VPS51: variants seen among roughly 807,000 people sequenced by gnomAD.
VPS51 encodes VPS51 subunit of GARP complex.
Under a neutral mutation model 65.1 loss-of-function variants are expected in VPS51, and 55 were observed. The observed-to-expected ratio is 0.84, with a 90% CI of 0.68 to 1.06. The LOEUF is 1.06. Among genes scored for constraint, VPS51 ranks in the 50% least tolerant of loss-of-function variants. The probability of loss-of-function intolerance (pLI) is 0.00; values close to 1 mark genes in which losing one functional copy is unlikely to be tolerated. For synonymous variants in VPS51, 473 were observed against 489.5 expected (o/e 0.97, Z 0.44); for missense variants, 943 against 1,101.6 (o/e 0.86, Z 2.04).
intron 2 of VPS51, among the ~76,000 whole-genome samples, chr11:65,100,537 T>G (rs990503908): frequency 4.9e-5 from 7 of 141,572 alleles, no homozygotes; most frequent in African/African-American, 8.0e-5. Flanking sequence ...TTTTTTTTTT[T>G]TTTTTTTTTT....
chr11:65,107,886 G>T lies in VPS51; in HGVS notation c.589G>T (p.Gly197Trp). 1 of 1,551,630 alleles carries T rather than the reference G, an allele frequency of 6.4e-7. No individual in the cohort carries two copies. The part of the protein sequence containing the change: ...LTKCVELGAY[G>W]QAVRYQGRAQ... ...CAAGTGCGTGGAACTGGGCGCCTATGGGCAGGCGGTGCGCTACCAGGGCCG... is the reference window on the plus strand; with the variant it reads ...CAAGTGCGTGGAACTGGGCGCCTATTGGCAGGCGGTGCGCTACCAGGGCCG... Residue 197 changes from glycine to tryptophan, a missense_variant, in exon 4 of 10, where the codon GGG (glycine) becomes TGG (tryptophan). Around this residue, in one of 2 missense-constraint regions of VPS51, gnomAD observed 855 missense variants for 953.7 expected, o/e 0.90. Transcript: ENST00000279281. The surrounding 1 kb of genome is among the most constrained non-coding windows in gnomAD (Gnocchi z 4.0).
At chr11:65,110,263 C>A in intron 7 of VPS51, 1 of 768,500 alleles carries the variant, frequency 1.3e-6, no homozygotes, top group Non-Finnish European at 2.1e-6. Flanking sequence ...GGTGCTGGTG[C>A]TGAAGATTAG....
At chr11:65,108,118 G>A in intron 4 of VPS51, 79 bp from the exon 5 acceptor site, 3 of 1,545,342 alleles carry the variant, frequency 1.9e-6, no homozygotes, top group Admixed American at 1.9e-5. Flanking sequence ...CCCCTGCCCT[G>A]TGTGTGCTTT....
Position 65,111,516 on chromosome 11 carries a change from G to T in VPS51, c.2278G>T (p.Ala760Ser). Reference protein sequence around the residue: ...HLLLDEVVASAALRCPDPVPM... With the variant: ...HLLLDEVVASSALRCPDPVPM... ...GCTGCTGGACGAAGTGGTGGCCTCTGCTGCCCTGCGCTGCCCAGACCCTGT... is the reference window on the plus strand; with the variant it reads ...GCTGCTGGACGAAGTGGTGGCCTCTTCTGCCCTGCGCTGCCCAGACCCTGT... The change falls in exon 10 of 10, where the codon GCT (alanine) becomes TCT (serine). Residue 760 changes from alanine (A) to serine (S), a missense_variant. By Grantham distance (99) the Ala-to-Ser change is moderately conservative. Around this residue, in one of 2 missense-constraint regions of VPS51, gnomAD observed 88 missense variants for 147.8 expected, o/e 0.60. Transcript: ENST00000279281. 6.2e-7 allele frequency: 1 copy of T among 1,613,250 alleles called. No individual in the cohort carries two copies. Among genetic ancestry groups the T allele is most frequent in the Non-Finnish European group, 8.5e-7 (1 of 1,180,030 alleles).
intron 9 of VPS51, 140 bp from the exon 10 acceptor site, chr11:65,111,187 C>A (rs1028974378): frequency 4.8e-6 from 6 of 1,256,610 alleles, no homozygotes; most frequent in Non-Finnish European, 6.7e-6. Context: ...TGTATCCCTC[C>A]CTTCTTATCT....
In VPS51 at chr11:65,107,402, C is replaced by T. The variant is rs914104204; in HGVS notation, c.359-179C>T. 2.8e-6 allele frequency: 2 copies of T among 712,828 alleles called. No homozygotes were observed. The highest frequency in any genetic ancestry group is 3.5e-5 in the African/African-American group (2 of 56,408). The allele number at this position is 712,828 out of a possible 1,614,324, so 44.2% of individuals were successfully genotyped here. A position where few individuals can be genotyped will look rare whatever the true frequency, so the allele number is the denominator to read the frequency against. On this transcript the variant is annotated intron_variant, in intron 2 of 9. Coordinates refer to ENST00000279281, the MANE Select transcript of VPS51 (RefSeq NM_013265.4). This position sits in a 1 kb window ranked among gnomAD's most constrained non-coding sequence, Gnocchi z 4.0. ...GTAACGCCTGCTTTGGGAACATAAA[C>T]CCCCTCCCCCGCCCCCATGTGCGCT...
intron 2 of VPS51, among the ~76,000 whole-genome samples, chr11:65,100,310 G>A (rs1330331475): frequency 6.6e-6 from 1 of 152,176 alleles, no homozygotes; most frequent in African/African-American, 2.4e-5. Flanking sequence ...ACAAGTGGCC[G>A]AAAAGCACAT....
At chr11:65,109,561 C>T in intron 6 of VPS51, 66 bp downstream of exon 6, 1 of 1,572,048 alleles carries the variant, frequency 6.4e-7, no homozygotes, top group Non-Finnish European at 8.6e-7. Flanking sequence ...CTGGACAGTG[C>T]CCTCATGGCC....
At chr11:65,104,027 C>G (rs1183442634) in intron 2 of VPS51, among the ~76,000 whole-genome samples, 2 of 151,868 alleles carry the variant, frequency 1.3e-5, no homozygotes, top group Non-Finnish European at 2.9e-5. Context: ...CTCCAGGGTT[C>G]AAGCGATTCT....
At chr11:65,099,738 A>G (rs1319558867) in intron 2 of VPS51, among the ~76,000 whole-genome samples, 1 of 152,174 alleles carries the variant, frequency 6.6e-6, no homozygotes, top group Non-Finnish European at 1.5e-5. Context: ...TGGAGATTGC[A>G]GTGAGCTATA....
chr11:65,096,761 T>C, intron 1 of VPS51: 1 of 685,824 alleles, frequency 1.5e-6, no homozygotes, highest in Non-Finnish European at 2.4e-6. Context: ...GGCGCGGGGC[T>C]GGGCTTAGGC....
At chr11:65,100,902 T>C (rs928679361) in intron 2 of VPS51, among the ~76,000 whole-genome samples, 4 of 152,038 alleles carry the variant, frequency 2.6e-5, no homozygotes, top group Non-Finnish European at 5.9e-5. Context: ...TGGCCATCAA[T>C]TGAATGAATA....
Position 65,107,875 on chromosome 11 carries a change from T to G in VPS51, c.578T>G (p.Leu193Arg), listed in dbSNP as rs752224750. 3.2e-6 allele frequency: 5 copies of G among 1,551,050 alleles called. No individual in the cohort carries two copies. Among genetic ancestry groups the G allele is most frequent in the Non-Finnish European group, 4.4e-6 (5 of 1,148,536 alleles). Residue 193 changes from leucine (L) to arginine (R), a missense_variant, in exon 4 of 10, where the codon CTG (leucine) becomes CGG (arginine). Coordinates refer to ENST00000279281, the MANE Select transcript of VPS51 (RefSeq NM_013265.4). This position sits in a 1 kb window ranked among gnomAD's most constrained non-coding sequence, Gnocchi z 4.0. ...LPSRLTKCVELGAYGQAVRYQ... is the reference protein window; with the variant it reads ...LPSRLTKCVERGAYGQAVRYQ... The stretch of plus-strand genomic sequence containing the variant: ...TCGCGCCTCACCAAGTGCGTGGAAC[T>G]GGGCGCCTATGGGCAGGCGGTGCGC...
rs760851629 is a variant in VPS51, at chr11:65,108,713, C to A, written c.1242C>A (p.Leu414=). 8.2e-5 allele frequency: 132 copies of A among 1,606,814 alleles called. No individual in the cohort carries two copies. The Admixed American group carries it at 8.4e-4, about 10-fold the overall frequency. Residue 414 remains leucine (L), a synonymous_variant, in exon 5 of 10, where the codon CTC becomes CTA. Transcript: ENST00000279281. ...GCCTGGGCCACCACCTGCAGGGTCT[C>A]CGGGCGGCCTTCCTGGGCTGCCTGA... ...RERLGHHLQG[L]RAAFLGCLTD... is the part of the protein sequence containing the mutation.
chr11:65,107,119 G>C lies in VPS51; in HGVS notation c.359-462G>C, dbSNP rs1565313453. 1 of 457,508 alleles carries C rather than the reference G, an allele frequency of 2.2e-6. No individual in the cohort carries two copies. Among genetic ancestry groups the C allele is most frequent in the South Asian group, 1.5e-5 (1 of 64,546 alleles). The allele number at this position is 457,508 out of a possible 1,614,324, so 28.3% of individuals were successfully genotyped here. On this transcript the variant is annotated intron_variant, in intron 2 of 9. Transcript: ENST00000279281. This position sits in a 1 kb window ranked among gnomAD's most constrained non-coding sequence, Gnocchi z 4.0. Reference sequence around the variant, plus strand: ...GAGAAGACAGCCCATGTTCCGGAAAGCATGTGAAAGGCTTTGGGAGGTCTG... The same window carrying C: ...GAGAAGACAGCCCATGTTCCGGAAACCATGTGAAAGGCTTTGGGAGGTCTG...
Position 65,111,606 on chromosome 11 carries a change from A to T in VPS51, c.*19A>T. ...CGGCTAGGCGCAGCCGCTGCCATGC[A>T]CCGGTCTGTCCCTGCACCCCATGGC... On this transcript the variant is annotated 3_prime_UTR_variant, in exon 10 of 10. Transcript: ENST00000279281. The T allele has an allele frequency of 6.3e-7, 1 of 1,592,452 alleles. No individual in the cohort carries two copies. Among genetic ancestry groups the T allele is most frequent in the Non-Finnish European group, 8.5e-7 (1 of 1,175,274 alleles).
In VPS51 at chr11:65,108,519, G is replaced by A. The variant is rs1323242383; in HGVS notation, c.1048G>A (p.Ala350Thr). The A allele has an allele frequency of 6.3e-7, 1 of 1,597,198 alleles. No homozygotes were observed. The change falls in exon 5 of 10, where the codon GCG (alanine) becomes ACG (threonine). Residue 350 changes from alanine (A) to threonine (T), a missense_variant. By Grantham distance (58) the Ala-to-Thr change is moderately conservative. This residue lies in a region of VPS51 where 855 missense variants were observed against 953.7 expected (regional missense o/e 0.90). Coordinates refer to ENST00000279281, the MANE Select transcript of VPS51 (RefSeq NM_013265.4). Reference protein sequence around the residue: ...FARQLGSRYFALVERRLAQEQ... With the variant: ...FARQLGSRYFTLVERRLAQEQ... Reference sequence around the variant, plus strand: ...CCGGCAGCTGGGCAGCCGCTATTTTGCGCTGGTGGAGCGGCGGCTGGCGCA... The same window carrying A: ...CCGGCAGCTGGGCAGCCGCTATTTTACGCTGGTGGAGCGGCGGCTGGCGCA...
At chr11:65,103,128 T>G (rs1268971087) in intron 2 of VPS51, among the ~76,000 whole-genome samples, 1 of 152,214 alleles carries the variant, frequency 6.6e-6, no homozygotes, top group East Asian at 1.9e-4. Context: ...CATGCCATCT[T>G]GGCTCACTGT....
Position 65,108,747 on chromosome 11 carries a change from C to T in VPS51, c.1276C>T (p.Arg426Cys), listed in dbSNP as rs767094496. 1.2e-6 allele frequency: 2 copies of T among 1,611,568 alleles called. No individual in the cohort carries two copies. The highest frequency in any genetic ancestry group is 1.7e-6 in the Non-Finnish European group (2 of 1,179,778). The change falls in exon 5 of 10, where the codon CGC becomes TGC. Residue 426 changes from arginine to cysteine, a missense_variant. Arg to Cys is a radical substitution (Grantham distance 180, BLOSUM62 -3). This residue lies in a region of VPS51 where 855 missense variants were observed against 953.7 expected (regional missense o/e 0.90). Transcript: ENST00000279281. ...AAFLGCLTDV[R>C]QALAAPRVAG... The stretch of plus-strand genomic sequence containing the variant: ...CTTCCTGGGCTGCCTGACAGACGTC[C>T]GCCAGGCGCTGGCAGCACCTCGCGT...
Sources: gnomAD v4.1 joint callset for allele counts (sites outside exome capture counted in the v4.1 genomes callset) on GRCh38, gnomAD v4.1.1 for gene constraint, gnomAD v4.1.1 regional missense constraint, Gnocchi (gnomAD v3.1) non-coding constraint, MANE v1.5 for transcripts, NCBI Gene and HGNC (gene_info 2026-07-23, HGNC 2026-07-21) for gene names.